OPCML: variants seen among roughly 807,000 people sequenced by gnomAD.
OPCML encodes opioid-binding protein/cell adhesion molecule.
A neutral mutation model predicts 37.8 loss-of-function variants in OPCML; 13 were observed. The ratio of observed to expected loss-of-function variants is 0.34; its 90% CI spans 0.22 to 0.55. The LOEUF (loss-of-function observed/expected upper bound fraction) is 0.55, where lower values mean the gene tolerates loss of function less well. Ranked by LOEUF, OPCML falls within the 20% of genes least tolerant of loss-of-function variation. OPCML has a pLI of 0.91. For missense variants in OPCML, 341 were observed against 435.6 expected (o/e 0.78, Z 1.93); for synonymous variants, 176 against 168.8 (o/e 1.04, Z -0.33).
At chr11:133,223,360 G>C (rs1376444242) in intron 1 of OPCML, among the ~76,000 whole-genome samples, 1 of 152,206 alleles carries the variant, frequency 6.6e-6, no homozygotes, top group Non-Finnish European at 1.5e-5. Flanking sequence ...TATTCTTTCT[G>C]GTCCCAATCA....
chr11:132,617,250 T>A (rs1939090139), intron 3 of OPCML, among the ~76,000 whole-genome samples: 1 of 152,144 alleles, frequency 6.6e-6, no homozygotes, highest in African/African-American at 2.4e-5. Flanking sequence ...TTGAGAAAAA[T>A]CCAAGGAAGT....
intron 2 of OPCML, among the ~76,000 whole-genome samples, chr11:132,905,840 G>C (rs891012192): frequency 3.3e-5 from 5 of 152,070 alleles, no homozygotes; most frequent in Non-Finnish European, 7.4e-5. Context: ...ATTGTTTTGA[G>C]AATTAAACAA....
chr11:133,033,943 T>A (rs1947719494), intron 1 of OPCML, among the ~76,000 whole-genome samples: 1 of 152,206 alleles, frequency 6.6e-6, no homozygotes, highest in African/African-American at 2.4e-5. Context: ...ACATGCCAAA[T>A]GCAGGATGGC....
chr11:133,085,046 A>G (rs1389832872), intron 1 of OPCML, among the ~76,000 whole-genome samples: 1 of 152,112 alleles, frequency 6.6e-6, no homozygotes, highest in Non-Finnish European at 1.5e-5. Context: ...TATCTCCTTC[A>G]CTTTCCGTTT....
chr11:133,355,981 A>G (rs1944280555), intron 1 of OPCML, among the ~76,000 whole-genome samples: 1 of 152,160 alleles, frequency 6.6e-6, no homozygotes, highest in Non-Finnish European at 1.5e-5. Context: ...CATTCAGAAT[A>G]ACCTAGGTGA....
intron 1 of OPCML, among the ~76,000 whole-genome samples, chr11:133,085,147 A>C (rs1948800484): frequency 6.6e-6 from 1 of 152,216 alleles, no homozygotes; most frequent in African/African-American, 2.4e-5. Flanking sequence ...TTGCCTGGAA[A>C]AATATATTTA....
At chr11:133,339,689 T>C (rs1475185811) in intron 1 of OPCML, among the ~76,000 whole-genome samples, 2 of 152,214 alleles carry the variant, frequency 1.3e-5, no homozygotes, top group Non-Finnish European at 2.9e-5. Flanking sequence ...AGCCTACCCT[T>C]GTCTCCTGGA....
At chr11:133,467,569 G>T (rs992329351) in intron 1 of OPCML, among the ~76,000 whole-genome samples, 1 of 152,122 alleles carries the variant, frequency 6.6e-6, no homozygotes, top group Non-Finnish European at 1.5e-5. Flanking sequence ...AAATAAAGAA[G>T]GATGGCCAGA....
chr11:132,514,860 C>A (rs1397888943), intron 4 of OPCML, among the ~76,000 whole-genome samples: 1 of 152,060 alleles, frequency 6.6e-6, no homozygotes, highest in Admixed American at 6.6e-5. Context: ...CCCTATGATG[C>A]CCTACAAAAG....
intron 1 of OPCML, among the ~76,000 whole-genome samples, chr11:133,135,607 C>G (rs552339601): frequency 1.3e-5 from 2 of 152,188 alleles, no homozygotes; most frequent in South Asian, 4.2e-4. Flanking sequence ...TTTTAAAAGT[C>G]CTTTTCATTG....
chr11:133,295,788 A>G (rs930368747), intron 1 of OPCML, among the ~76,000 whole-genome samples: 1 of 152,226 alleles, frequency 6.6e-6, no homozygotes, highest in African/African-American at 2.4e-5. Context: ...AGACATACAA[A>G]TAAATTCTAT....
At chr11:132,657,433 A>C in intron 2 of OPCML, 114 bp from the exon 3 acceptor site, 3 of 1,461,948 alleles carry the variant, frequency 2.1e-6, no homozygotes, top group Middle Eastern at 4.7e-4. Flanking sequence ...GAAACAACAA[A>C]ACACAGTGCT....
chr11:133,404,799 C>A (rs374880748), intron 1 of OPCML, among the ~76,000 whole-genome samples: 8 of 152,180 alleles, frequency 5.3e-5, no homozygotes, highest in Admixed American at 3.9e-4. Flanking sequence ...TGAAGATACA[C>A]AATTTAAAAA....
chr11:132,677,746 G>A (rs1343463725), intron 2 of OPCML, among the ~76,000 whole-genome samples: 1 of 152,046 alleles, frequency 6.6e-6, no homozygotes, highest in Admixed American at 6.5e-5. Context: ...TCTTACACTT[G>A]TTTAAAAAAT....
intron 2 of OPCML, among the ~76,000 whole-genome samples, chr11:132,834,342 C>T (rs548788714): frequency 6.6e-5 from 10 of 152,224 alleles, no homozygotes; most frequent in Non-Finnish European, 1.2e-4. Flanking sequence ...CTCCCCAGTC[C>T]GCGAATGCTA....
chr11:133,135,440 GT>G (rs11291782), intron 1 of OPCML, among the ~76,000 whole-genome samples: 110,709 of 131,280 alleles, frequency 0.84, 47,433 homozygotes, highest in East Asian at 0.98. Context: ...CCCTCCATAG[GT>G]TTTTTTTTTT....
At chr11:133,148,241 T>C (rs11223374) in intron 1 of OPCML, among the ~76,000 whole-genome samples, 2,146 of 152,268 alleles carry the variant, frequency 0.014, 39 homozygotes, top group Admixed American at 0.041. Context: ...GTGGCCCAGG[T>C]ACTGTGAGGT....
chr11:132,566,953 AAC>A (rs2096424745), intron 3 of OPCML, among the ~76,000 whole-genome samples: 1 of 14,374 alleles, frequency 7.0e-5, no homozygotes, highest in East Asian at 4.3e-3. Flanking sequence ...ATACGGCAAC[AAC>A]ATCAACATCA....
intron 1 of OPCML, among the ~76,000 whole-genome samples, chr11:133,463,119 C>CAAAAAAAAAAAAAAAAA (rs558107695): frequency 4.0e-5 from 2 of 49,908 alleles, no homozygotes; most frequent in African/African-American, 5.9e-5. Context: ...ACATCAGGCT[C>CAAAAAAAAAAAAAAAAA]AAAAAAAAAA....
Sources: allele counts gnomAD v4.1 joint callset (sites outside exome capture counted in the v4.1 genomes callset), GRCh38; gene constraint gnomAD v4.1.1; transcripts MANE v1.5; gene names NCBI Gene and HGNC (gene_info 2026-07-23, HGNC 2026-07-21).